The following KCNN3 variants were observed in gnomAD, a reference collection of about 807,000 sequenced individuals.
The protein encoded by KCNN3 is potassium calcium-activated channel subfamily N member 3.
KCNN3 carries 16 observed loss-of-function variants against 62.9 expected under a neutral mutation model. The ratio of observed to expected loss-of-function variants is 0.25; its 90% CI spans 0.17 to 0.39. The LOEUF (loss-of-function observed/expected upper bound fraction) is 0.39. Among genes scored for constraint, KCNN3 ranks in the 10% least tolerant of loss-of-function variants. The pLI is 1.00. For synonymous variants in KCNN3, 370 were observed against 389.2 expected (o/e 0.95, Z 0.58); for missense variants, 599 against 949.4 (o/e 0.63, Z 4.85).
In KCNN3 at chr1:154,726,031, G is replaced by A. The variant is rs757809082; in HGVS notation, c.1591-5C>T. 109 of 1,607,800 alleles carry A rather than the reference G, an allele frequency of 6.8e-5. No homozygotes were observed. Among genetic ancestry groups the A allele is most frequent in the Non-Finnish European group, 8.3e-5 (98 of 1,174,934 alleles). ...AAGGGCAGTGCAGCCTGCACCCTGC[G>A]GGGGGACATCAAGAGGACCAGAGGG... is the stretch of plus-strand genomic sequence containing the variant. On this transcript the variant is annotated splice_region_variant and splice_polypyrimidine_tract_variant and intron_variant, in intron 4 of 7. Transcript: ENST00000271915.
chr1:154,773,919 T>C (rs529449369), intron 2 of KCNN3, among the ~76,000 whole-genome samples: 11 of 152,330 alleles, frequency 7.2e-5, no homozygotes, highest in African/African-American at 2.6e-4. Flanking sequence ...AGCAAGTGTT[T>C]GCTGGCAGCA....
chr1:154,797,698 T>C (rs1649789138), intron 2 of KCNN3, among the ~76,000 whole-genome samples: 1 of 152,246 alleles, frequency 6.6e-6, no homozygotes, highest in East Asian at 1.9e-4. Context: ...GTAAGCACTC[T>C]TTCAATTTTT....
intron 2 of KCNN3, among the ~76,000 whole-genome samples, chr1:154,813,343 C>T (rs1324395233): frequency 1.3e-5 from 2 of 151,606 alleles, no homozygotes. Flanking sequence ...TTCACATGGC[C>T]TAGGGCGAGG....
intron 1 of KCNN3, among the ~76,000 whole-genome samples, chr1:154,852,903 G>A (rs1054762422): frequency 2.0e-5 from 3 of 152,140 alleles, no homozygotes; most frequent in African/African-American, 7.2e-5. Flanking sequence ...TCTTCCCCCA[G>A]GTGGCTGGAT....
chr1:154,828,547 C>T lies in KCNN3; in HGVS notation c.934-6363G>A, dbSNP rs542596550. 2.0e-5 allele frequency among the ~76,000 whole-genome samples: 3 copies of T among 152,284 alleles called. No individual in the cohort carries two copies. The East Asian group carries it at 5.8e-4, about 29-fold the overall frequency. On this transcript the variant is annotated intron_variant, in intron 1 of 7. Transcript: ENST00000271915. ...TAACATAGGATTTGAAACCAAAAGG[C>T]CAGAGTTCAAGTCATGTCTTTGCTA... is the stretch of plus-strand genomic sequence containing the variant.
At chr1:154,755,794 GGAGGAGGAA>G in intron 3 of KCNN3, among the ~76,000 whole-genome samples, 1 of 142,088 alleles carries the variant, frequency 7.0e-6, no homozygotes, top group Non-Finnish European at 1.5e-5. Flanking sequence ...GAGGGGAGGA[GGAGGAGGAA>G]GAAGAAGAAG....
chr1:154,839,788 G>A (rs1651753512), intron 1 of KCNN3, among the ~76,000 whole-genome samples: 1 of 151,838 alleles, frequency 6.6e-6, no homozygotes, highest in Non-Finnish European at 1.5e-5. Context: ...TGGTGGAAGT[G>A]TTTTGAATGA....
intron 2 of KCNN3, among the ~76,000 whole-genome samples, chr1:154,815,647 C>T (rs781254132): frequency 2.0e-5 from 3 of 152,294 alleles, no homozygotes; most frequent in African/African-American, 4.8e-5. Flanking sequence ...AATAAGTAAA[C>T]GAATGAATGG....
At chr1:154,789,476 T>C (rs1266368084) in intron 2 of KCNN3, among the ~76,000 whole-genome samples, 1 of 152,162 alleles carries the variant, frequency 6.6e-6, no homozygotes, top group Non-Finnish European at 1.5e-5. Context: ...TTTTGACCAT[T>C]GTGCTAAATC....
At chr1:154,770,395 C>T (rs1360974951) in intron 3 of KCNN3, among the ~76,000 whole-genome samples, 5 of 152,172 alleles carry the variant, frequency 3.3e-5, no homozygotes, top group Admixed American at 1.3e-4. Flanking sequence ...GTAGGAGATA[C>T]GATTCAAGGC....
At chr1:154,718,219 C>A (rs1700272014) in intron 5 of KCNN3, among the ~76,000 whole-genome samples, 1 of 152,178 alleles carries the variant, frequency 6.6e-6, no homozygotes, top group South Asian at 2.1e-4. Flanking sequence ...GCTGTCCTGC[C>A]TCCAAAACCC....
At chr1:154,709,662 C>G (rs572199345) in intron 7 of KCNN3, among the ~76,000 whole-genome samples, 1 of 152,184 alleles carries the variant, frequency 6.6e-6, no homozygotes, top group African/African-American at 2.4e-5. Flanking sequence ...ATGGAGATGG[C>G]CCCGCTCCCA....
chr1:154,775,994 G>A (rs1022702508), intron 2 of KCNN3, among the ~76,000 whole-genome samples: 6 of 132,314 alleles, frequency 4.5e-5, no homozygotes, highest in African/African-American at 1.7e-4. Flanking sequence ...TTGATTGCCT[G>A]ATGAGGAGTG....
At chr1:154,727,504 G>A (rs546819711) in intron 4 of KCNN3, among the ~76,000 whole-genome samples, 4 of 152,344 alleles carry the variant, frequency 2.6e-5, no homozygotes, top group Non-Finnish European at 5.9e-5. Flanking sequence ...AAGTTTCAAT[G>A]TGGTTGAAGT....
chr1:154,753,743 T>C (rs1195537341), intron 3 of KCNN3, among the ~76,000 whole-genome samples: 1 of 152,336 alleles, frequency 6.6e-6, no homozygotes, highest in East Asian at 1.9e-4. Flanking sequence ...TCCAGTGTTT[T>C]ATGTTTCCCC....
intron 2 of KCNN3, among the ~76,000 whole-genome samples, chr1:154,795,123 T>A (rs553798619): frequency 4.9e-4 from 74 of 152,308 alleles, no homozygotes; most frequent in Non-Finnish European, 8.8e-4. Flanking sequence ...TGTGAGAGAA[T>A]GACATCCTAA....
chr1:154,784,556 T>G (rs143349003), intron 2 of KCNN3, among the ~76,000 whole-genome samples: 1 of 152,330 alleles, frequency 6.6e-6, no homozygotes, highest in East Asian at 1.9e-4. Context: ...CAGGTGGGGC[T>G]GGGTGCCTTC....
chr1:154,763,172 ATTTCTAATTTTGTGTTTTCTTT>A (rs1382704534), intron 3 of KCNN3, among the ~76,000 whole-genome samples: 1 of 152,146 alleles, frequency 6.6e-6, no homozygotes, highest in East Asian at 1.9e-4. Flanking sequence ...CTCCATTAAA[ATTTCTAATTTTGTGTTTTCTTT>A]TTTCTCAATT....
At chr1:154,835,229 G>A (rs192843742) in intron 1 of KCNN3, among the ~76,000 whole-genome samples, 497 of 152,300 alleles carry the variant, frequency 3.3e-3, no homozygotes, top group Middle Eastern at 0.027. Context: ...CGATACATTC[G>A]GGTTTACCCA....
Sources: gnomAD v4.1 joint callset for allele counts (sites outside exome capture counted in the v4.1 genomes callset) on GRCh38, gnomAD v4.1.1 for gene constraint, MANE v1.5 for transcripts, NCBI Gene and HGNC (gene_info 2026-07-23, HGNC 2026-07-21) for gene names.